ABCA9: variants seen among roughly 807,000 people sequenced by gnomAD.
ABCA9 encodes the protein ATP-binding cassette sub-family A member 9.
A neutral mutation model predicts 205.3 loss-of-function variants in ABCA9; 183 were observed. That is an observed-to-expected ratio of 0.89 (90% CI 0.79 to 1.01). ABCA9 has a LOEUF of 1.01. ABCA9 is among the 50% of genes least tolerant of loss of function. ABCA9 has a pLI of 0.00. For missense variants in ABCA9, 1,805 were observed against 1,912.4 expected (o/e 0.94, Z 1.05); for synonymous variants, 651 against 683.3 (o/e 0.95, Z 0.74).
chr17:69,050,018 C>G (rs2071849460), intron 2 of ABCA9, among the ~76,000 whole-genome samples: 1 of 151,862 alleles, frequency 6.6e-6, no homozygotes, highest in African/African-American at 2.4e-5. Context: ...CAATTGAAAC[C>G]CAGTGATAAG....
intron 34 of ABCA9, 129 bp downstream of exon 34, chr17:68,984,756 A>C (rs116750780): frequency 1.6e-6 from 2 of 1,228,606 alleles, no homozygotes; most frequent in Admixed American, 2.6e-5. Flanking sequence ...AAATCAGATA[A>C]TTTTTTTTCC....
intron 27 of ABCA9, 99 bp downstream of exon 27, chr17:68,992,917 T>C (rs2069502532): frequency 1.1e-6 from 1 of 942,848 alleles, no homozygotes; most frequent in Non-Finnish European, 1.6e-6. Context: ...ATGCCTAAAA[T>C]GTCCAAACCT....
intron 1 of ABCA9, 131 bp from the exon 2 acceptor site, chr17:69,051,270 G>T: frequency 1.4e-6 from 1 of 708,662 alleles, no homozygotes; most frequent in Non-Finnish European, 2.2e-6. Flanking sequence ...AAAGCCAAAA[G>T]GCTAAAATAA....
In ABCA9 at chr17:69,023,516, G is replaced by C. The variant is rs551754810; in HGVS notation, c.2281+698C>G. Among the ~76,000 whole-genome samples, 4 of 152,218 alleles carry C rather than the reference G, an allele frequency of 2.6e-5. No homozygotes were observed. The East Asian group carries it at 7.7e-4, about 29-fold the overall frequency. ...TTGTCTGGTTCTGTGTTTCTTTATG[G>C]ACCAAGGTTATGTCATGCTTATTGA... is the stretch of plus-strand genomic sequence containing the variant. On this transcript the variant is annotated intron_variant, in intron 17 of 38. Transcript: ENST00000340001. This position sits in a 1 kb window ranked among gnomAD's most constrained non-coding sequence, Gnocchi z 4.2.
At chr17:69,065,862 T>C (rs191209310), upstream of ABCA9, among the ~76,000 whole-genome samples, 192 of 152,254 alleles carry the variant, frequency 1.3e-3, 2 homozygotes, top group African/African-American at 4.5e-3. Flanking sequence ...AGGCTGTTCT[T>C]GTGATAGAGA....
At chr17:69,041,770 AT>A (rs912198069) in intron 6 of ABCA9, among the ~76,000 whole-genome samples, 7 of 84,844 alleles carry the variant, frequency 8.3e-5, no homozygotes, top group Admixed American at 2.5e-4. Context: ...TCTTGACCAA[AT>A]TTTTTTAGTA....
chr17:69,024,232 T>C lies in ABCA9; in HGVS notation c.2263A>G (p.Arg755Gly). The change falls in exon 17 of 39, where the codon AGG (arginine) becomes GGG (glycine). Residue 755 changes from arginine to glycine, a missense_variant. Physicochemically the swap from Arg to Gly is moderately radical, Grantham distance 125 (BLOSUM62 -2). Transcript: ENST00000340001. Reference protein sequence around the residue: ...EKLVYILPLERTNKFPELYRD... With the variant: ...EKLVYILPLEGTNKFPELYRD... ...TTGTTACCTGGAAATTTGTTTGTCC[T>C]TTCCAAAGGCAAAATATATACAAGT... The C allele has an allele frequency of 6.2e-7, 1 of 1,612,582 alleles. No individual in the cohort carries two copies. The highest frequency in any genetic ancestry group is 1.3e-5 in the African/African-American group (1 of 74,992).
At chr17:69,000,699 T>C (rs983669506) in intron 25 of ABCA9, among the ~76,000 whole-genome samples, 13 of 151,340 alleles carry the variant, frequency 8.6e-5, no homozygotes, top group African/African-American at 2.9e-4. Flanking sequence ...TGGCATTGAA[T>C]CTGTAAATTA....
intron 11 of ABCA9, 22 bp from the exon 12 acceptor site, chr17:69,028,667 T>A: frequency 2.1e-6 from 3 of 1,437,212 alleles, no homozygotes; most frequent in Non-Finnish European, 1.9e-6. Flanking sequence ...TTAAAAAAAA[T>A]TACACTCAGA....
intron 6 of ABCA9, 99 bp from the exon 7 acceptor site, chr17:69,035,900 A>G: frequency 7.0e-7 from 1 of 1,425,146 alleles, no homozygotes; most frequent in South Asian, 1.6e-5. Flanking sequence ...CCATTTATCA[A>G]GGGTAAAGGA....
Position 68,995,987 on chromosome 17 carries a change from C to T in ABCA9, c.3463G>A (p.Asp1155Asn). The T allele has an allele frequency of 1.2e-6, 2 of 1,613,624 alleles. No individual in the cohort carries two copies. Among genetic ancestry groups the T allele is most frequent in the Non-Finnish European group, 1.7e-6 (2 of 1,179,888 alleles). ...IVVIFSIVATDLNEYGFLGLF... is the reference protein window; with the variant it reads ...IVVIFSIVATNLNEYGFLGLF... ...CCTAGAAATCCATATTCATTTAGATCAGTAGCAACTATCGAGAAGATGACC... is the reference window on the plus strand; with the variant it reads ...CCTAGAAATCCATATTCATTTAGATTAGTAGCAACTATCGAGAAGATGACC... The change falls in exon 26 of 39, where the codon GAT becomes AAT. Residue 1155 changes from aspartate (D) to asparagine (N), a missense_variant. Physicochemically the swap from Asp to Asn is conservative, Grantham distance 23. Transcript: ENST00000340001.
chr17:69,075,335 T>C, the ABCA9 span, among the ~76,000 whole-genome samples: 1 of 152,202 alleles, frequency 6.6e-6, no homozygotes, highest in Non-Finnish European at 1.5e-5. Flanking sequence ...ATGTCCAGAA[T>C]GGTGTTTCCT....
rs765822744 is a variant in ABCA9, at chr17:69,032,234, G to C, written c.1319C>G (p.Ser440Cys). 1.2e-6 allele frequency: 2 copies of C among 1,613,922 alleles called. No individual in the cohort carries two copies. The highest frequency in any genetic ancestry group is 2.2e-5 in the South Asian group (2 of 91,062). ...HRCSPLFFLK[S>C]CFWFQHGRAN... ...CCTTCCGTGTTGAAACCAAAAACAG[G>C]ATTTCAGGAAAAACAAGGGAGAACA... The change falls in exon 10 of 39, where the codon TCC (serine) becomes TGC (cysteine). Residue 440 changes from serine to cysteine, a missense_variant. Ser to Cys is a moderately radical substitution (Grantham distance 112). Transcript: ENST00000340001.
At chr17:68,988,174 A>T (rs954251410) in intron 31 of ABCA9, among the ~76,000 whole-genome samples, 2 of 152,124 alleles carry the variant, frequency 1.3e-5, no homozygotes, top group African/African-American at 4.8e-5. Flanking sequence ...TTCCTTCATA[A>T]ACACTCCCTC....
chr17:69,044,073 T>G (rs1028929264), intron 5 of ABCA9, among the ~76,000 whole-genome samples: 6 of 152,148 alleles, frequency 3.9e-5, no homozygotes, highest in Non-Finnish European at 5.9e-5. Flanking sequence ...TGGTCTGTAA[T>G]CCCAGCTACT....
At chr17:69,050,981 A>G in intron 2 of ABCA9, 50 bp downstream of exon 2, 1 of 1,545,596 alleles carries the variant, frequency 6.5e-7, no homozygotes, top group Non-Finnish European at 8.9e-7. Flanking sequence ...TGCCTGATAA[A>G]ATACTTTTTC....
chr17:69,018,806 G>A (rs1337063105), intron 19 of ABCA9, among the ~76,000 whole-genome samples: 1 of 151,902 alleles, frequency 6.6e-6, no homozygotes, highest in Non-Finnish European at 1.5e-5. Context: ...CTTGGCTTCG[G>A]GTTTATGAAG....
intron 3 of ABCA9, among the ~76,000 whole-genome samples, chr17:69,048,617 T>C (rs1012451202): frequency 1.3e-5 from 2 of 152,188 alleles, no homozygotes; most frequent in African/African-American, 4.8e-5. Context: ...CTTACTTATT[T>C]GGTCTATCAC....
At chr17:69,009,738 T>C (rs1598365450) in intron 23 of ABCA9, among the ~76,000 whole-genome samples, 1 of 152,204 alleles carries the variant, frequency 6.6e-6, no homozygotes, top group South Asian at 2.1e-4. Flanking sequence ...CTCTGGCTGG[T>C]GTTTTGTAGG....
Sources: allele counts gnomAD v4.1 joint callset (sites outside exome capture counted in the v4.1 genomes callset), GRCh38; gene constraint gnomAD v4.1.1; non-coding constraint Gnocchi (gnomAD v3.1); transcripts MANE v1.5; gene names NCBI Gene and HGNC (gene_info 2026-07-23, HGNC 2026-07-21).